The following NRCAM variants were observed in gnomAD, a reference collection of about 807,000 sequenced individuals.
NRCAM encodes neuronal cell adhesion molecule, also known as NgCAM-related cell adhesion molecule.
Under a neutral mutation model 156.5 loss-of-function variants are expected in NRCAM, and 83 were observed. The ratio of observed to expected loss-of-function variants is 0.53; its 90% CI spans 0.44 to 0.64. The LOEUF (loss-of-function observed/expected upper bound fraction) is 0.64. Ranked by LOEUF, NRCAM falls within the 30% of genes least tolerant of loss-of-function variation. The pLI is 0.00. For synonymous variants in NRCAM, 538 were observed against 563.9 expected (o/e 0.95, Z 0.65); for missense variants, 1,417 against 1,597.3 (o/e 0.89, Z 1.92).
At chr7:108,370,478 A>G (rs2099621405) in intron 2 of NRCAM, among the ~76,000 whole-genome samples, 2 of 152,158 alleles carry the variant, frequency 1.3e-5, no homozygotes, top group Non-Finnish European at 2.9e-5. Context: ...GCAAAGAAAA[A>G]ATATTTTAAG....
chr7:108,348,124 CTG>C, intron 2 of NRCAM, among the ~76,000 whole-genome samples: 1 of 152,306 alleles, frequency 6.6e-6, no homozygotes, highest in East Asian at 1.9e-4. Context: ...ATACATGTAA[CTG>C]TGCTACTTTG....
intron 2 of NRCAM, among the ~76,000 whole-genome samples, chr7:108,360,071 T>C (rs2099538639): frequency 6.6e-6 from 1 of 152,226 alleles, no homozygotes. Flanking sequence ...GTACTTTGGA[T>C]GATTAATCTG....
chr7:108,220,300 C>T (rs1159113287), intron 11 of NRCAM, among the ~76,000 whole-genome samples: 3 of 152,012 alleles, frequency 2.0e-5, no homozygotes. Context: ...TCAATGCAAT[C>T]CCCATCAAAA....
chr7:108,180,395 T>C lies in NRCAM; in HGVS notation c.2679A>G (p.Lys893=). ...IYYWKTQSSS[K]RNRRHIEKKI... is the part of the protein sequence containing the mutation. ...TTTTCTCAATGTGACGTCTGTTTCT[T>C]TTAGATGAACTCTGGGTCTTCCAAT... Residue 893 remains lysine (K), a synonymous_variant, in exon 25 of 33, where the codon AAA becomes AAG. Transcript: ENST00000379028. 5 of 1,614,196 alleles carry C rather than the reference T, an allele frequency of 3.1e-6. No individual in the cohort carries two copies. The highest frequency in any genetic ancestry group is 4.2e-6 in the Non-Finnish European group (5 of 1,180,022).
intron 8 of NRCAM, among the ~76,000 whole-genome samples, chr7:108,229,003 A>T (rs1179460538): frequency 6.6e-6 from 1 of 152,220 alleles, no homozygotes; most frequent in African/African-American, 2.4e-5. Flanking sequence ...AATGCAGATT[A>T]AATGTTAGAG....
chr7:108,360,086 A>G (rs1275796327), intron 2 of NRCAM, among the ~76,000 whole-genome samples: 1 of 152,192 alleles, frequency 6.6e-6, no homozygotes, highest in African/African-American at 2.4e-5. Context: ...AATCTGCTCT[A>G]TTGTATGGAG....
At chr7:108,392,911 C>G (rs2395993) in intron 2 of NRCAM, among the ~76,000 whole-genome samples, 134,754 of 152,158 alleles carry the variant, frequency 0.89, 59,794 homozygotes, top group South Asian at 0.93. Flanking sequence ...GTTGCTGCCT[C>G]ATCATTCCTC....
chr7:108,370,725 C>T (rs2099623032), intron 2 of NRCAM, among the ~76,000 whole-genome samples: 2 of 152,068 alleles, frequency 1.3e-5, no homozygotes, highest in Admixed American at 6.6e-5. Flanking sequence ...TTCTGTAATA[C>T]ATCTCCCACA....
At chr7:108,225,037 C>T (rs921461965) in intron 10 of NRCAM, among the ~76,000 whole-genome samples, 1 of 152,174 alleles carries the variant, frequency 6.6e-6, no homozygotes, top group African/African-American at 2.4e-5. Context: ...TACTTGAGAA[C>T]ATTTCCCTTA....
intron 3 of NRCAM, among the ~76,000 whole-genome samples, chr7:108,282,609 T>A (rs978889926): frequency 6.6e-6 from 1 of 152,242 alleles, no homozygotes; most frequent in Non-Finnish European, 1.5e-5. Context: ...TTCTGGCAAC[T>A]GGCCAAAGCA....
intron 11 of NRCAM, among the ~76,000 whole-genome samples, chr7:108,219,405 A>C (rs1023386255): frequency 1.2e-4 from 19 of 152,258 alleles, no homozygotes; most frequent in African/African-American, 4.6e-4. Flanking sequence ...CAAAAAAAGA[A>C]ACTATGGACT....
At chr7:108,175,405 CA>C (rs2060095278) in intron 27 of NRCAM, 48 bp from the exon 28 acceptor site, 1 of 1,480,110 alleles carries the variant, frequency 6.8e-7, no homozygotes, top group Non-Finnish European at 9.2e-7. Flanking sequence ...TTAGATGTAA[CA>C]CACCCATGAG....
rs935739591 is a variant in NRCAM, at chr7:108,156,250, G to T, written c.3677+3213C>A. On this transcript the variant is annotated intron_variant, in intron 32 of 32. Transcript: ENST00000379028. ...GCTTGCCACAAGCCCATGTTCACAT[G>T]AATGACAAGATTCATGTGGCAAGAG... 9.2e-6 allele frequency: 9 copies of T among 974,650 alleles called. No individual in the cohort carries two copies. The African/African-American group carries it at 1.4e-4, about 15-fold the overall frequency. The allele number at this position is 974,650 out of a possible 1,614,324, so 60.4% of individuals were successfully genotyped here. A position where few individuals can be genotyped will look rare whatever the true frequency, so the allele number is the denominator to read the frequency against.
chr7:108,357,952 G>C (rs1036022809), intron 2 of NRCAM, among the ~76,000 whole-genome samples: 8 of 152,140 alleles, frequency 5.3e-5, no homozygotes, highest in Non-Finnish European at 1.2e-4. Flanking sequence ...TGGTAGGGAG[G>C]GTGGGGAAGC....
intron 1 of NRCAM, among the ~76,000 whole-genome samples, chr7:108,418,676 G>C (rs1259635781): frequency 2.6e-5 from 4 of 151,632 alleles, no homozygotes. Flanking sequence ...TAAGCACTTA[G>C]AAAATACACA....
At chr7:108,232,157 G>A (rs2094419267) in intron 7 of NRCAM, among the ~76,000 whole-genome samples, 169 bp downstream of exon 7, 1 of 152,080 alleles carries the variant, frequency 6.6e-6, no homozygotes, top group South Asian at 2.1e-4. Flanking sequence ...GGACTAAGGA[G>A]CTTCCTAGGG....
chr7:108,421,240 T>G (rs773783861), intron 1 of NRCAM, among the ~76,000 whole-genome samples: 2 of 152,208 alleles, frequency 1.3e-5, no homozygotes, highest in Non-Finnish European at 2.9e-5. Flanking sequence ...TGGAGTGGAA[T>G]AGGCTGAAAG....
At chr7:108,200,794 A>G (rs1461557998) in intron 13 of NRCAM, among the ~76,000 whole-genome samples, 2 of 149,680 alleles carry the variant, frequency 1.3e-5, no homozygotes, top group African/African-American at 4.9e-5. Flanking sequence ...ACTATGAAAT[A>G]CTACTCAGCC....
At chr7:108,324,877 CTTTTT>C (rs60553976) in intron 2 of NRCAM, among the ~76,000 whole-genome samples, 12 of 82,674 alleles carry the variant, frequency 1.5e-4, no homozygotes, top group East Asian at 3.0e-4. Context: ...TGGCACTGTA[CTTTTT>C]TTTTTTTTTT....
Sources: gnomAD v4.1 joint callset for allele counts (sites outside exome capture counted in the v4.1 genomes callset) on GRCh38, gnomAD v4.1.1 for gene constraint, MANE v1.5 for transcripts, NCBI Gene and HGNC (gene_info 2026-07-23, HGNC 2026-07-21) for gene names.